Variants in L3MBTL3 observed in about 807,000 individuals in gnomAD.
L3MBTL3 encodes lethal(3)malignant brain tumor-like protein 3.
L3MBTL3 carries 27 observed loss-of-function variants against 102.3 expected under a neutral mutation model. That is an observed-to-expected ratio of 0.26 (90% CI 0.19 to 0.36). L3MBTL3 has a LOEUF of 0.36. Among genes scored for constraint, L3MBTL3 ranks in the 10% least tolerant of loss-of-function variants. The pLI, the probability that L3MBTL3 is intolerant of heterozygous loss-of-function variation, is 1.00. For missense variants in L3MBTL3, 798 were observed against 955.3 expected, an observed-to-expected ratio of 0.84 and a Z score of 2.17; for synonymous variants, 340 against 320.9, an observed-to-expected ratio of 1.06 and a Z score of -0.64.
rs1015043659 is a variant in L3MBTL3, at chr6:130,094,370, A to T, written c.1736+3A>T. ...GCGAGACATCTGGGCCCTCACAGGT[A>T]TGTGGTAGCTGTCACTCACTTGGTC... On this transcript the variant is annotated splice_donor_region_variant and intron_variant, in intron 18 of 22. Coordinates refer to ENST00000361794, the MANE Select transcript of L3MBTL3 (RefSeq NM_032438.4). 8.1e-6 allele frequency: 13 copies of T among 1,609,142 alleles called. No homozygotes were observed. The highest frequency in any genetic ancestry group is 2.2e-5 in the East Asian group (1 of 44,816).
chr6:130,071,091 T>C lies in L3MBTL3; in HGVS notation c.1208T>C (p.Val403Ala). Reference sequence around the variant, plus strand: ...GATATGGTGGACAATCGTTTCCTGGTACATTTTGACAACTGGGATGAGAGC... The same window carrying C: ...GATATGGTGGACAATCGTTTCCTGGCACATTTTGACAACTGGGATGAGAGC... Reference protein sequence around the residue: ...VTDMVDNRFLVHFDNWDESYD... With the variant: ...VTDMVDNRFLAHFDNWDESYD... Residue 403 changes from valine (V) to alanine (A), a missense_variant, in exon 13 of 23, where the codon GTA becomes GCA. Val to Ala is a moderately conservative substitution (Grantham distance 64). Transcript: ENST00000361794. 1 of 1,613,366 alleles carries C rather than the reference T, an allele frequency of 6.2e-7. No homozygotes were observed. Among genetic ancestry groups the C allele is most frequent in the Non-Finnish European group, 8.5e-7 (1 of 1,179,486 alleles).
chr6:130,027,057 C>A (rs1482937644), intron 2 of L3MBTL3, among the ~76,000 whole-genome samples: 1 of 152,102 alleles, frequency 6.6e-6, no homozygotes, highest in African/African-American at 2.4e-5. Flanking sequence ...ACACTGTAAC[C>A]AAAAGAGTAT....
intron 2 of L3MBTL3, among the ~76,000 whole-genome samples, chr6:130,035,694 A>G (rs1780014859): frequency 6.6e-6 from 1 of 152,220 alleles, no homozygotes; most frequent in Non-Finnish European, 1.5e-5. Context: ...ATGGTCAGCC[A>G]TGACATTACG....
At chr6:130,120,145 A>G (rs1028739460) in intron 19 of L3MBTL3, among the ~76,000 whole-genome samples, 1 of 152,186 alleles carries the variant, frequency 6.6e-6, no homozygotes, top group Admixed American at 6.5e-5. Flanking sequence ...AAATTGCAAA[A>G]TGGGGTTTAT....
intron 19 of L3MBTL3, among the ~76,000 whole-genome samples, chr6:130,111,595 G>A (rs1785350073): frequency 6.6e-6 from 1 of 152,188 alleles, no homozygotes; most frequent in Non-Finnish European, 1.5e-5. Context: ...ATTTGTAATA[G>A]GACTAGCATA....
intron 15 of L3MBTL3, 103 bp from the exon 16 acceptor site, chr6:130,086,037 G>A (rs1318010634): frequency 1.4e-5 from 11 of 760,796 alleles, no homozygotes; most frequent in Non-Finnish European, 2.3e-5. Context: ...ACAGGTGTGA[G>A]CCACCGCGCC....
Position 130,080,497 on chromosome 6 carries a change from C to T in L3MBTL3, c.1321+1863C>T, listed in dbSNP as rs978199138. On this transcript the variant is annotated intron_variant, in intron 14 of 22. Coordinates refer to ENST00000361794, the MANE Select transcript of L3MBTL3 (RefSeq NM_032438.4). The stretch of plus-strand genomic sequence containing the variant: ...TTCTTTCCGTACCACCATTTTTGGT[C>T]ATGATCAGAGATCTGATTAATTAAC... 3.9e-5 allele frequency among the ~76,000 whole-genome samples: 6 copies of T among 152,220 alleles called. No individual in the cohort carries two copies. In the East Asian group the frequency reaches 1.2e-3, roughly 30 times the overall value.
Position 130,133,671 on chromosome 6 carries a change from T to G in L3MBTL3, c.2136+50T>G. The G allele has an allele frequency of 6.3e-7, 1 of 1,598,568 alleles. No homozygotes were observed. The highest frequency in any genetic ancestry group is 8.5e-7 in the Non-Finnish European group (1 of 1,170,594). On this transcript the variant is annotated intron_variant, in intron 21 of 22. Coordinates refer to ENST00000361794, the MANE Select transcript of L3MBTL3 (RefSeq NM_032438.4). The surrounding 1 kb of genome is among the most constrained non-coding windows in gnomAD (Gnocchi z 4.9). The stretch of plus-strand genomic sequence containing the variant: ...CGACACCAGATACAGGATTACTGGC[T>G]TAAGAGGTGTGGAACATTGAGCGTA...
At chr6:130,085,703 A>C (rs887616283) in intron 15 of L3MBTL3, among the ~76,000 whole-genome samples, 1 of 152,060 alleles carries the variant, frequency 6.6e-6, no homozygotes, top group Non-Finnish European at 1.5e-5. Context: ...AACCATTTAA[A>C]ATTTTTCTGT....
chr6:130,130,099 G>C (rs1425040430), intron 20 of L3MBTL3, among the ~76,000 whole-genome samples: 2 of 152,244 alleles, frequency 1.3e-5, no homozygotes, highest in Admixed American at 6.5e-5. Context: ...GATTGGAAGA[G>C]TATGTATATC....
chr6:130,037,053 C>A (rs939499696), intron 2 of L3MBTL3, among the ~76,000 whole-genome samples: 1 of 151,928 alleles, frequency 6.6e-6, no homozygotes, highest in African/African-American at 2.4e-5. Flanking sequence ...CCCTGTTTTT[C>A]TGAAAAAAAT....
intron 6 of L3MBTL3, 81 bp downstream of exon 6, chr6:130,051,489 C>A: frequency 7.8e-7 from 1 of 1,286,746 alleles, no homozygotes; most frequent in Non-Finnish European, 1.1e-6. Context: ...AAGTTTTATG[C>A]TCTCGGACAT....
At chr6:130,055,075 A>G (rs1247042503) in intron 7 of L3MBTL3, 96 bp from the exon 8 acceptor site, 3 of 857,754 alleles carry the variant, frequency 3.5e-6, no homozygotes, top group Non-Finnish European at 5.9e-6. Flanking sequence ...ACTGAAGAAA[A>G]GAACAACAGA....
chr6:130,066,305 A>ATATATATATAT, intron 10 of L3MBTL3, 48 bp from the exon 11 acceptor site: 24 of 478,900 alleles, frequency 5.0e-5, no homozygotes, highest in Non-Finnish European at 5.0e-5. Context: ...TATATATATG[A>ATATATATATAT]ATATTCTGAG....
chr6:130,023,525 G>A (rs148255377), intron 2 of L3MBTL3, among the ~76,000 whole-genome samples: 6 of 152,296 alleles, frequency 3.9e-5, no homozygotes, highest in African/African-American at 1.4e-4. Flanking sequence ...TCTGTGGATA[G>A]AATGCTAGAA....
intron 9 of L3MBTL3, 96 bp from the exon 10 acceptor site, chr6:130,059,940 G>T: frequency 4.9e-6 from 3 of 618,232 alleles, no homozygotes; most frequent in South Asian, 2.4e-5. Flanking sequence ...TTATGTATTT[G>T]GTTAAATAGT....
chr6:130,027,432 G>T (rs1488502096), intron 2 of L3MBTL3, among the ~76,000 whole-genome samples: 1 of 152,082 alleles, frequency 6.6e-6, no homozygotes, highest in Non-Finnish European at 1.5e-5. Context: ...TTACACTGTT[G>T]AACCCTGAAT....
rs1787337790 is a variant in L3MBTL3, at chr6:130,133,955, T to C, written c.2199+50T>C. On this transcript the variant is annotated intron_variant, in intron 22 of 22. Transcript: ENST00000361794. The surrounding 1 kb of genome is among the most constrained non-coding windows in gnomAD (Gnocchi z 4.9). The stretch of plus-strand genomic sequence containing the variant: ...ATGTTACTTAATGGGATCAAAGCAC[T>C]GAAATGCAGTGGAAGGTGAAATGTG... 1.5e-6 allele frequency: 2 copies of C among 1,375,214 alleles called. No individual in the cohort carries two copies. The highest frequency in any genetic ancestry group is 2.1e-6 in the Non-Finnish European group (2 of 965,538). 85.2% of individuals were successfully genotyped at this position (1,375,214 alleles called of 1,614,324 possible).
chr6:130,096,500 T>C (rs1178539768), intron 18 of L3MBTL3, among the ~76,000 whole-genome samples: 1 of 152,210 alleles, frequency 6.6e-6, no homozygotes, highest in Non-Finnish European at 1.5e-5. Flanking sequence ...AACAAAACTT[T>C]TTTTGGTCTT....
Sources: gnomAD v4.1 joint callset for allele counts (sites outside exome capture counted in the v4.1 genomes callset) on GRCh38, gnomAD v4.1.1 for gene constraint, Gnocchi (gnomAD v3.1) non-coding constraint, MANE v1.5 for transcripts, NCBI Gene and HGNC (gene_info 2026-07-23, HGNC 2026-07-21) for gene names.